Variants in UGT1A6 observed in about 807,000 individuals in gnomAD.
UGT1A6 encodes UDP glucuronosyltransferase family 1 member A6.
A neutral mutation model predicts 44.4 loss-of-function variants in UGT1A6; 32 were observed. The ratio of observed to expected loss-of-function variants is 0.72; its 90% CI spans 0.54 to 0.97. The LOEUF is 0.97. Ranked by LOEUF, UGT1A6 falls within the 50% of genes least tolerant of loss-of-function variation. The pLI is 0.00. For synonymous variants in UGT1A6, 238 were observed against 248.5 expected (o/e 0.96, Z 0.40); for missense variants, 685 against 661.9 (o/e 1.03, Z -0.38).
intron 1 of UGT1A6, among the ~76,000 whole-genome samples, chr2:233,705,485 G>A (rs1165724639): frequency 6.6e-6 from 1 of 152,156 alleles, no homozygotes; most frequent in Non-Finnish European, 1.5e-5. Context: ...CAAATTTAAT[G>A]ATAATAAATA....
intron 1 of UGT1A6, among the ~76,000 whole-genome samples, chr2:233,736,093 C>T (rs2125798451): frequency 1.3e-5 from 2 of 152,304 alleles, no homozygotes; most frequent in South Asian, 4.2e-4. Flanking sequence ...TGGATAATAT[C>T]CTGAAGAGTG....
At chr2:233,767,761 G>A in intron 2 of UGT1A6, 88 bp from the exon 3 acceptor site, 6 of 1,606,158 alleles carry the variant, frequency 3.7e-6, no homozygotes, top group Non-Finnish European at 5.1e-6. Context: ...TCCTTCAGAG[G>A]ACCCCTGTTT....
chr2:233,770,501 T>C (rs956860149), intron 4 of UGT1A6: 6 of 151,776 alleles, frequency 4.0e-5, no homozygotes, highest in African/African-American at 1.5e-4. Context: ...CAAAAAAATA[T>C]AAAAAAATTA....
chr2:233,719,429 C>T (rs2076765385), intron 1 of UGT1A6: 1 of 1,613,996 alleles, frequency 6.2e-7, no homozygotes, highest in Non-Finnish European at 8.5e-7. Flanking sequence ...CCAATTCAGA[C>T]CACATGACAT....
At chr2:233,691,740 AC>A, upstream of UGT1A6, 1 of 684,072 alleles carries the variant, frequency 1.5e-6, no homozygotes. Context: ...AGAAGCAGAT[AC>A]CAGGCTTTCT....
At chr2:233,742,273 A>C (rs1691925901) in intron 1 of UGT1A6, among the ~76,000 whole-genome samples, 1 of 151,986 alleles carries the variant, frequency 6.6e-6, no homozygotes, top group Non-Finnish European at 1.5e-5. Context: ...AGCCTGTGAT[A>C]AGCATCATTT....
chr2:233,731,434 C>A (rs17862872), intron 1 of UGT1A6, among the ~76,000 whole-genome samples: 12,097 of 152,204 alleles, frequency 0.079, 644 homozygotes, highest in East Asian at 0.2. Flanking sequence ...ATCCCTCCCC[C>A]AGTCCCCCAC....
intron 1 of UGT1A6, among the ~76,000 whole-genome samples, chr2:233,737,497 A>G (rs1575619064): frequency 6.6e-6 from 1 of 152,008 alleles, no homozygotes. Context: ...GAAATCCCTC[A>G]CCCTCTTGCA....
chr2:233,699,893 G>A lies in UGT1A6; in HGVS notation c.861+6028G>A, dbSNP rs193246274. Among the ~76,000 whole-genome samples the A allele has an allele frequency of 5.3e-5, 8 of 152,302 alleles. No homozygotes were observed. The East Asian group carries it at 1.5e-3, about 29-fold the overall frequency. On this transcript the variant is annotated intron_variant, in intron 1 of 4. Coordinates refer to ENST00000305139, the MANE Select transcript of UGT1A6 (RefSeq NM_001072.4). Reference sequence around the variant, plus strand: ...TTTTTGGTGTTGCAATTGGAGAGGCGAAATAGTCAGTAGGATATACGTAGA... The same window carrying A: ...TTTTTGGTGTTGCAATTGGAGAGGCAAAATAGTCAGTAGGATATACGTAGA...
rs72551358 is a variant in UGT1A6 at position 233,772,345 on chromosome 2, A to T, written c.1385A>T (p.Glu462Val). Residue 462 changes from glutamate (E) to valine (V), a missense_variant, in exon 5 of 5, where the codon GAG becomes GTG. Coordinates refer to ENST00000305139, the MANE Select transcript of UGT1A6 (RefSeq NM_001072.4). ...CTGGACCTGGCCGTGTTCTGGGTGGAGTTTGTGATGAGGCACAAGGGCGCG... is the reference window on the plus strand; with the variant it reads ...CTGGACCTGGCCGTGTTCTGGGTGGTGTTTGTGATGAGGCACAAGGGCGCG... ...EPLDLAVFWV[E>V]FVMRHKGAPH... 7 of 1,614,196 alleles carry T rather than the reference A, an allele frequency of 4.3e-6. No homozygotes were observed. In the South Asian group the frequency reaches 7.7e-5, roughly 18 times the overall value.
upstream of UGT1A6, among the ~76,000 whole-genome samples, chr2:233,692,680 G>A (rs577931872): frequency 6.6e-6 from 1 of 152,264 alleles, no homozygotes; most frequent in South Asian, 2.1e-4. Context: ...AATTGGCAGG[G>A]GGTCCTCAGG....
chr2:233,767,119 A>C lies in UGT1A6; in HGVS notation c.947A>C (p.Lys316Thr). 6.2e-7 allele frequency: 1 copy of C among 1,614,168 alleles called. No individual in the cohort carries two copies. Among genetic ancestry groups the C allele is most frequent in the Non-Finnish European group, 8.5e-7 (1 of 1,180,014 alleles). The change falls in exon 2 of 5, where the codon AAG (lysine) becomes ACG (threonine). Residue 316 changes from lysine (K) to threonine (T), a missense_variant. Physicochemically the swap from Lys to Thr is moderately conservative, Grantham distance 78. Coordinates refer to ENST00000305139, the MANE Select transcript of UGT1A6 (RefSeq NM_001072.4). ...TCAATGGTCTCAGAAATTCCAGAGA[A>C]GAAAGCTATGGCAATTGCTGATGCT... ...LGSMVSEIPE[K>T]KAMAIADALG...
At chr2:233,726,263 T>C (rs2077520511) in intron 1 of UGT1A6, among the ~76,000 whole-genome samples, 1 of 152,204 alleles carries the variant, frequency 6.6e-6, no homozygotes, top group African/African-American at 2.4e-5. Flanking sequence ...TGCAGTGGCA[T>C]GCGCCTATGG....
intron 1 of UGT1A6, among the ~76,000 whole-genome samples, chr2:233,695,064 C>G (rs576556742): frequency 9.2e-5 from 14 of 152,068 alleles, no homozygotes; most frequent in Non-Finnish European, 2.1e-4. Context: ...ACTGTGCTAT[C>G]GCACTTTGGA....
intron 1 of UGT1A6, chr2:233,756,408 G>C (rs1234137074): frequency 1.3e-5 from 2 of 151,750 alleles, no homozygotes; most frequent in Non-Finnish European, 2.9e-5. Flanking sequence ...TTTTTTATTT[G>C]TATTATTTGT....
rs139555179 is a variant in UGT1A6, at chr2:233,713,053, G to A, written c.861+19188G>A. ...GCCACAGGACTGCTGCTTCTCCTCA[G>A]TGTCCAGCCCTGGGCTGAGAGTGGG... is the stretch of plus-strand genomic sequence containing the variant. On this transcript the variant is annotated intron_variant, in intron 1 of 4. Coordinates refer to ENST00000305139, the MANE Select transcript of UGT1A6 (RefSeq NM_001072.4). 2.5e-6 allele frequency: 4 copies of A among 1,613,988 alleles called. No homozygotes were observed. In the African/African-American group the frequency reaches 5.3e-5, roughly 22 times the overall value.
chr2:233,734,888 G>C (rs895051650), intron 1 of UGT1A6, among the ~76,000 whole-genome samples: 2 of 152,104 alleles, frequency 1.3e-5, no homozygotes, highest in African/African-American at 4.8e-5. Context: ...ACAGTTTGTT[G>C]TGATTTCTAT....
intron 1 of UGT1A6, chr2:233,747,084 A>G: frequency 8.6e-7 from 1 of 1,158,212 alleles, no homozygotes; most frequent in Non-Finnish European, 1.2e-6. Flanking sequence ...AACTAGGAGG[A>G]GAGCACTCTA....
At chr2:233,737,571 C>T (rs1014151357) in intron 1 of UGT1A6, among the ~76,000 whole-genome samples, 3 of 152,196 alleles carry the variant, frequency 2.0e-5, no homozygotes, top group African/African-American at 7.2e-5. Flanking sequence ...CACCCACTAT[C>T]CAACCAGTCC....
Sources: gnomAD v4.1 joint callset for allele counts (sites outside exome capture counted in the v4.1 genomes callset) on GRCh38, gnomAD v4.1.1 for gene constraint, MANE v1.5 for transcripts, NCBI Gene and HGNC (gene_info 2026-07-23, HGNC 2026-07-21) for gene names.